The following FREM1 variants were observed in gnomAD, a reference collection of about 807,000 sequenced individuals.
FREM1 encodes FRAS1-related extracellular matrix protein 1.
A neutral mutation model predicts 210.1 loss-of-function variants in FREM1; 220 were observed. The observed-to-expected ratio is 1.05, with a 90% CI of 0.94 to 1.17. The LOEUF is 1.17. Among genes scored for constraint, FREM1 ranks in the 50% most tolerant of loss-of-function variants. The pLI is 0.00. For synonymous variants in FREM1, 1,189 were observed against 980.2 expected, an observed-to-expected ratio of 1.21 and a Z score of -3.98; for missense variants, 3,454 against 2,675.5, an observed-to-expected ratio of 1.29 and a Z score of -6.42.
chr9:14,877,132 C>T lies in FREM1; in HGVS notation c.-267-7888G>A, dbSNP rs763810634. ...GGGACCCTAGAGTCCAGTTGTAGGA[C>T]CTGTTTTGTATCTACACTCATTCCT... On this transcript the variant is annotated intron_variant, in intron 1 of 36. Transcript: ENST00000380880. 9.9e-5 allele frequency among the ~76,000 whole-genome samples: 15 copies of T among 151,884 alleles called. No homozygotes were observed. In the South Asian group the frequency reaches 2.5e-3, roughly 25 times the overall value.
chr9:14,795,313 A>C (rs575128207), intron 21 of FREM1, among the ~76,000 whole-genome samples: 1 of 152,210 alleles, frequency 6.6e-6, no homozygotes, highest in South Asian at 2.1e-4. Flanking sequence ...GAGAGAAGTT[A>C]AACAACATGT....
At chr9:14,797,012 C>G (rs1334554079) in intron 21 of FREM1, among the ~76,000 whole-genome samples, 1 of 152,140 alleles carries the variant, frequency 6.6e-6, no homozygotes, top group East Asian at 1.9e-4. Context: ...CAGTAGAGAA[C>G]TGGTGGACAA....
chr9:14,751,776 G>A (rs1186071592), intron 29 of FREM1: 1 of 152,018 alleles, frequency 6.6e-6, no homozygotes, highest in African/African-American at 2.4e-5. Flanking sequence ...TAGATCTCAT[G>A]ATCTAATCAG....
intron 22 of FREM1, among the ~76,000 whole-genome samples, chr9:14,790,204 A>C (rs1407516437): frequency 6.6e-6 from 1 of 152,106 alleles, no homozygotes; most frequent in Non-Finnish European, 1.5e-5. Context: ...TAGAATACAG[A>C]CTTCCAGATT....
chr9:14,761,747 C>G (rs1349079083), intron 27 of FREM1, among the ~76,000 whole-genome samples: 1 of 152,194 alleles, frequency 6.6e-6, no homozygotes, highest in Non-Finnish European at 1.5e-5. Flanking sequence ...TTGTCCAGCA[C>G]ATCCACACAG....
In FREM1 at chr9:14,836,136, G is replaced by A. The variant is rs1046084096; in HGVS notation, c.1881+5311C>T. 2.0e-5 allele frequency among the ~76,000 whole-genome samples: 3 copies of A among 152,170 alleles called. No homozygotes were observed. The highest frequency in any genetic ancestry group is 4.4e-5 in the Non-Finnish European group (3 of 68,040). On this transcript the variant is annotated intron_variant, in intron 10 of 36. Coordinates refer to ENST00000380880, the MANE Select transcript of FREM1 (RefSeq NM_001379081.2). This position sits in a 1 kb window ranked among gnomAD's most constrained non-coding sequence, Gnocchi z 4.9. ...CAAGGAACTTCATAGACCCCCAAAG[G>A]GGAGTTCTCTATCTTGGCAAGTAAA...
chr9:14,876,665 A>G (rs201062676), intron 1 of FREM1, among the ~76,000 whole-genome samples: 60 of 152,228 alleles, frequency 3.9e-4, no homozygotes, highest in African/African-American at 1.3e-3. Context: ...CTTCGGCTCA[A>G]GCACAGTGCG....
chr9:14,860,662 T>TAC (rs1467807449), intron 3 of FREM1, among the ~76,000 whole-genome samples: 7 of 133,218 alleles, frequency 5.3e-5, no homozygotes, highest in Admixed American at 7.6e-5. Context: ...TACACATATA[T>TAC]ACATATATAC....
At position 14,750,191 on chromosome 9, in the gene FREM1, G is replaced by A. The variant is rs1458107874; in HGVS notation, c.5493C>T (p.Ser1831=). 50 of 1,613,588 alleles carry A rather than the reference G, an allele frequency of 3.1e-5. No homozygotes were observed. The highest frequency in any genetic ancestry group is 4.2e-5 in the Non-Finnish European group (50 of 1,179,716). Residue 1831 remains serine, a synonymous_variant, in exon 30 of 37, where the codon TCC becomes TCT. Transcript: ENST00000380880. ...TTGTGCCAAGAACTGCATTCACAGG[G>A]GAGTTCAGAATTACTTCAAAGACCT... ...DDEVFEVILN[S]PVNAVLGTKT... is the part of the protein sequence containing the mutation.
chr9:14,750,692 G>A (rs1843197052), intron 29 of FREM1, among the ~76,000 whole-genome samples: 1 of 152,156 alleles, frequency 6.6e-6, no homozygotes, highest in African/African-American at 2.4e-5. Context: ...GGTACTTCAT[G>A]CTATTCATGG....
chr9:14,744,472 T>C lies in FREM1; in HGVS notation c.6254+1881A>G, dbSNP rs1304390750. On this transcript the variant is annotated intron_variant, in intron 35 of 36. Coordinates refer to ENST00000380880, the MANE Select transcript of FREM1 (RefSeq NM_001379081.2). ...AACATAGATTATATTATCTTATTTA[T>C]ATAAATGCAATCATATAATAAGTAT... Among the ~76,000 whole-genome samples the C allele has an allele frequency of 2.6e-5, 4 of 152,248 alleles. No homozygotes were observed. In the East Asian group the frequency reaches 7.7e-4, roughly 29 times the overall value.
rs1215598354 is a variant in FREM1 at position 14,882,667 on chromosome 9, A to AG, written c.-267-13424dup. On this transcript the variant is annotated intron_variant, in intron 1 of 36. Coordinates refer to ENST00000380880, the MANE Select transcript of FREM1 (RefSeq NM_001379081.2). ...GAGATGGGGTTTCACCATGTTGGCC[A>AG]GGCTGGTCTCAAACTCCTGACCTCA... Among the ~76,000 whole-genome samples, 3 of 151,652 alleles carry AG rather than the reference A, an allele frequency of 2.0e-5. 1 individual carries two copies. The East Asian group carries it at 5.8e-4, about 29-fold the overall frequency.
chr9:14,739,438 T>C (rs950708562), intron 36 of FREM1, among the ~76,000 whole-genome samples: 1 of 117,468 alleles, frequency 8.5e-6, no homozygotes, highest in Non-Finnish European at 1.7e-5. Flanking sequence ...AAGTCATTTC[T>C]AATTATTTGG....
At position 14,859,462 on chromosome 9, in the gene FREM1, T is replaced by A. The variant is rs1056443160; in HGVS notation, c.352A>T (p.Ile118Leu). 6.2e-7 allele frequency: 1 copy of A among 1,613,038 alleles called. No homozygotes were observed. Among genetic ancestry groups the A allele is most frequent in the African/African-American group, 1.3e-5 (1 of 74,888 alleles). Residue 118 changes from isoleucine (I) to leucine (L), a missense_variant, in exon 4 of 37, where the codon ATA becomes TTA. Ile to Leu is a conservative substitution (Grantham distance 5). Coordinates refer to ENST00000380880, the MANE Select transcript of FREM1 (RefSeq NM_001379081.2). ...TAGACCCACAGGATAAAAGTTTCTA[T>A]GAAGGTATCTCTTTCAGTAAATCTG... ...LYRFTERDTFIETFILWVYLL... is the reference protein window; with the variant it reads ...LYRFTERDTFLETFILWVYLL...
chr9:14,805,788 T>A (rs1563971445), intron 18 of FREM1, among the ~76,000 whole-genome samples: 2 of 152,258 alleles, frequency 1.3e-5, no homozygotes. Context: ...GAATCATTTA[T>A]ATGTCTTTGG....
At chr9:14,854,020 A>G (rs1315316249) in intron 5 of FREM1, among the ~76,000 whole-genome samples, 1 of 152,218 alleles carries the variant, frequency 6.6e-6, no homozygotes, top group Non-Finnish European at 1.5e-5. Context: ...GAAATTGCAA[A>G]TTATATAAAC....
At chr9:14,789,311 A>T (rs570655063) in intron 22 of FREM1, among the ~76,000 whole-genome samples, 197 bp from the exon 23 acceptor site, 2 of 152,202 alleles carry the variant, frequency 1.3e-5, no homozygotes, top group Non-Finnish European at 2.9e-5. Flanking sequence ...AGACCTTGGA[A>T]AAACACCGGC....
At chr9:14,802,456 C>T (rs1482747591) in intron 19 of FREM1, among the ~76,000 whole-genome samples, 1 of 152,202 alleles carries the variant, frequency 6.6e-6, no homozygotes, top group Non-Finnish European at 1.5e-5. Flanking sequence ...TGTATATTTT[C>T]ATAATGGGTC....
intron 30 of FREM1, among the ~76,000 whole-genome samples, chr9:14,749,394 A>T (rs768864293): frequency 6.6e-6 from 1 of 151,820 alleles, no homozygotes; most frequent in Non-Finnish European, 1.5e-5. Context: ...AGGAAAGAGA[A>T]GAGAAGGGAA....
Sources: allele counts gnomAD v4.1 joint callset (sites outside exome capture counted in the v4.1 genomes callset), GRCh38; gene constraint gnomAD v4.1.1; non-coding constraint Gnocchi (gnomAD v3.1); transcripts MANE v1.5; gene names NCBI Gene and HGNC (gene_info 2026-07-23, HGNC 2026-07-21).